SCFD2: variants seen among roughly 807,000 people sequenced by gnomAD.
SCFD2 encodes sec1 family domain-containing protein 2.
SCFD2 carries 54 observed loss-of-function variants against 58.9 expected under a neutral mutation model. The ratio of observed to expected loss-of-function variants is 0.92; its 90% CI spans 0.74 to 1.15. The LOEUF is 1.15. Ranked by LOEUF, SCFD2 falls within the 50% of genes most tolerant of loss-of-function variation. The probability of loss-of-function intolerance (pLI) is 0.00; values close to 1 mark genes in which losing one functional copy is unlikely to be tolerated. For missense variants in SCFD2, 805 were observed against 836.6 expected (o/e 0.96, Z 0.47); for synonymous variants, 321 against 335.9 (o/e 0.96, Z 0.49).
intron 4 of SCFD2, among the ~76,000 whole-genome samples, chr4:53,232,259 G>A (rs768961528): frequency 1.3e-5 from 2 of 152,200 alleles, no homozygotes; most frequent in African/African-American, 2.4e-5. Context: ...CTATGTGGAC[G>A]AACTACTCAA....
At chr4:53,251,566 A>T (rs1730382005) in intron 4 of SCFD2, among the ~76,000 whole-genome samples, 1 of 151,994 alleles carries the variant, frequency 6.6e-6, no homozygotes, top group Non-Finnish European at 1.5e-5. Flanking sequence ...CTGGGATGCA[A>T]GGCTGGTTCA....
chr4:52,940,369 G>A (rs368840478), intron 5 of SCFD2, among the ~76,000 whole-genome samples: 108 of 152,302 alleles, frequency 7.1e-4, no homozygotes, highest in African/African-American at 1.8e-3. Context: ...TGGAAATTAA[G>A]AAATAAATGG....
chr4:53,081,463 A>G lies in SCFD2; in HGVS notation c.1561+63870T>C, dbSNP rs181349083. ...CCATATTTATGTCCATGTGTGCTCA[A>G]TGTTTAGCTCCCACTTATAAGTGAG... On this transcript the variant is annotated intron_variant, in intron 5 of 8. Coordinates refer to ENST00000401642, the MANE Select transcript of SCFD2 (RefSeq NM_152540.4). Among the ~76,000 whole-genome samples the G allele has an allele frequency of 7.9e-3, 1,205 of 152,152 alleles. 18 individuals carry two copies. The highest frequency in any genetic ancestry group is 0.028 in the African/African-American group (1,159 of 41,504).
At chr4:53,095,733 T>A (rs560072736) in intron 5 of SCFD2, among the ~76,000 whole-genome samples, 12 of 152,122 alleles carry the variant, frequency 7.9e-5, no homozygotes, top group African/African-American at 1.7e-4. Flanking sequence ...ATTTTTTTTT[T>A]ATTATACTTT....
intron 4 of SCFD2, among the ~76,000 whole-genome samples, chr4:53,195,101 CCGGCTCTGCCA>C (rs1437369554): frequency 6.6e-6 from 1 of 152,086 alleles, no homozygotes; most frequent in Non-Finnish European, 1.5e-5. Context: ...GTTACAAGGA[CCGGCTCTGCCA>C]CGGCCAGTAG....
chr4:53,234,384 A>G (rs1361929359), intron 4 of SCFD2, among the ~76,000 whole-genome samples: 1 of 152,210 alleles, frequency 6.6e-6, no homozygotes, highest in Non-Finnish European at 1.5e-5. Context: ...AGAGATTTAT[A>G]TTTCTTGGAA....
At chr4:53,250,143 T>C (rs1730301927) in intron 4 of SCFD2, among the ~76,000 whole-genome samples, 1 of 152,014 alleles carries the variant, frequency 6.6e-6, no homozygotes, top group South Asian at 2.1e-4. Context: ...AAGGCAAGGG[T>C]TGCAACCCTA....
chr4:53,273,828 G>T lies in SCFD2; in HGVS notation c.1309C>A (p.Gln437Lys), dbSNP rs1306831105. 2.5e-6 allele frequency: 4 copies of T among 1,611,700 alleles called. No homozygotes were observed. The highest frequency in any genetic ancestry group is 2.5e-6 in the Non-Finnish European group (3 of 1,178,878). ...ACGAGGTTCCCATAGCAACATACCTGAAGAAGGAGCCTTTCAAAAGCCAGA... is the reference window on the plus strand; with the variant it reads ...ACGAGGTTCCCATAGCAACATACCTTAAGAAGGAGCCTTTCAAAAGCCAGA... ...NFLAFERLLLQSIGESAMSVV... is the reference protein window; with the variant it reads ...NFLAFERLLLKSIGESAMSVV... The change falls in exon 4 of 9, where the codon CAG becomes AAG. Residue 437 changes from glutamine (Q) to lysine (K), a missense_variant and splice_region_variant. Transcript: ENST00000401642.
At chr4:53,097,784 G>A (rs1484275850) in intron 5 of SCFD2, among the ~76,000 whole-genome samples, 1 of 152,174 alleles carries the variant, frequency 6.6e-6, no homozygotes, top group Non-Finnish European at 1.5e-5. Flanking sequence ...GGGCATCCCT[G>A]TCTTGTGCCA....
At chr4:52,920,652 CCTTTT>C (rs1345580214) in intron 6 of SCFD2, 68 bp downstream of exon 6, 3 of 1,130,532 alleles carry the variant, frequency 2.7e-6, no homozygotes, top group African/African-American at 3.2e-5. Flanking sequence ...TAAAAGGGAA[CCTTTT>C]CTTCTATAGA....
At chr4:52,946,952 T>C (rs770114996) in intron 5 of SCFD2, among the ~76,000 whole-genome samples, 1 of 152,172 alleles carries the variant, frequency 6.6e-6, no homozygotes, top group Non-Finnish European at 1.5e-5. Context: ...TATTTTTGCA[T>C]CTCTGTCCTG....
In SCFD2 at chr4:53,117,312, T is replaced by C. The variant is rs79846430; in HGVS notation, c.1561+28021A>G. The stretch of plus-strand genomic sequence containing the variant: ...CACCCTTGCAAGACTTAGCCAAGAA[T>C]ATCTATTAGATAGAGAAGAGGTGCA... On this transcript the variant is annotated intron_variant, in intron 5 of 8. Transcript: ENST00000401642. Among the ~76,000 whole-genome samples, 531 of 152,288 alleles carry C rather than the reference T, an allele frequency of 3.5e-3. 3 individuals are homozygous for C. The highest frequency in any genetic ancestry group is 0.012 in the African/African-American group (513 of 41,572).
intron 4 of SCFD2, among the ~76,000 whole-genome samples, chr4:53,241,121 G>A (rs1196581059): frequency 6.6e-6 from 1 of 152,206 alleles, no homozygotes; most frequent in Non-Finnish European, 1.5e-5. Context: ...AATAGGCAAG[G>A]AGCAACCTGC....
chr4:52,975,356 C>T (rs1246468092), intron 5 of SCFD2, among the ~76,000 whole-genome samples: 4 of 152,208 alleles, frequency 2.6e-5, no homozygotes, highest in South Asian at 2.1e-4. Context: ...AAAAAGTAGG[C>T]GAAGGATATG....
chr4:53,305,937 T>C (rs1243303599), intron 3 of SCFD2, among the ~76,000 whole-genome samples: 1 of 152,230 alleles, frequency 6.6e-6, no homozygotes, highest in African/African-American at 2.4e-5. Flanking sequence ...CAACTGACAC[T>C]GTTAATTCAA....
chr4:53,049,522 G>A (rs1008706624), intron 5 of SCFD2, among the ~76,000 whole-genome samples: 8 of 152,138 alleles, frequency 5.3e-5, no homozygotes, highest in East Asian at 1.9e-4. Context: ...TTACATAGCC[G>A]AAGTAGGATT....
chr4:53,365,092 CA>C lies in SCFD2; in HGVS notation c.838+11del, dbSNP rs1734654460. 3 of 1,611,158 alleles carry C rather than the reference CA, an allele frequency of 1.9e-6. No homozygotes were observed. Among genetic ancestry groups the C allele is most frequent in the Non-Finnish European group, 2.5e-6 (3 of 1,178,662 alleles). On this transcript the variant is annotated intron_variant, in intron 1 of 8. Transcript: ENST00000401642. The surrounding 1 kb of genome is among the most constrained non-coding windows in gnomAD (Gnocchi z 4.3). ...GGAATGGTAATGAAGAACTCCAGAG[CA>C]ATGCACTTACCTGTGAGATCCAGGG...
intron 5 of SCFD2, among the ~76,000 whole-genome samples, chr4:53,129,858 A>G (rs540602648): frequency 2.4e-4 from 37 of 152,188 alleles, no homozygotes; most frequent in Non-Finnish European, 4.4e-4. Flanking sequence ...TGCAAAACAC[A>G]TGCAAAACAA....
At chr4:53,088,291 C>A (rs1431778019) in intron 5 of SCFD2, among the ~76,000 whole-genome samples, 1 of 152,144 alleles carries the variant, frequency 6.6e-6, no homozygotes, top group African/African-American at 2.4e-5. Flanking sequence ...AAAGGGAAGA[C>A]CATCATTGCA....
Sources: gnomAD v4.1 joint callset for allele counts (sites outside exome capture counted in the v4.1 genomes callset) on GRCh38, gnomAD v4.1.1 for gene constraint, Gnocchi (gnomAD v3.1) non-coding constraint, MANE v1.5 for transcripts, NCBI Gene and HGNC (gene_info 2026-07-23, HGNC 2026-07-21) for gene names.